TMX4: variants seen among roughly 807,000 people sequenced by gnomAD.
TMX4 encodes thioredoxin-related transmembrane protein 4.
TMX4 carries 23 observed loss-of-function variants against 33.3 expected under a neutral mutation model. The ratio of observed to expected loss-of-function variants is 0.69; its 90% CI spans 0.50 to 0.98. The LOEUF (loss-of-function observed/expected upper bound fraction) is 0.98, where lower values mean the gene tolerates loss of function less well. Among genes scored for constraint, TMX4 ranks in the 50% least tolerant of loss-of-function variants. TMX4 has a pLI of 0.00. For synonymous variants in TMX4, 164 were observed against 161.5 expected (o/e 1.02, Z -0.12); for missense variants, 399 against 448.9 (o/e 0.89, Z 1.01).
At chr20:7,994,853 C>T (rs968823451) in intron 5 of TMX4, among the ~76,000 whole-genome samples, 2 of 152,154 alleles carry the variant, frequency 1.3e-5, no homozygotes, top group Non-Finnish European at 1.5e-5. Context: ...ATTCTTAGCC[C>T]TTGATTAAAG....
rs1317156336 is a variant in TMX4 at position 8,019,577 on chromosome 20, G to T, written c.37C>A (p.Leu13Ile). The T allele has an allele frequency of 7.2e-7, 1 of 1,390,890 alleles. No homozygotes were observed. Among genetic ancestry groups the T allele is most frequent in the Non-Finnish European group, 9.3e-7 (1 of 1,075,264 alleles). The allele number at this position is 1,390,890 out of a possible 1,614,324, so 86.2% of individuals were successfully genotyped here. Reference protein sequence around the residue: ...GGRCGPQLTALLAAWIAAVAA... With the variant: ...GGRCGPQLTAILAAWIAAVAA... ...ACAGCCGCGATCCAGGCGGCCAGGA[G>T]CGCCGTTAGCTGCGGGCCGCAGCGC... Residue 13 changes from leucine (L) to isoleucine (I), a missense_variant, in exon 1 of 8, where the codon CTC becomes ATC. Leu to Ile is a conservative substitution (Grantham distance 5, BLOSUM62 2). Transcript: ENST00000246024.
At chr20:8,018,151 A>G (rs2050784132) in intron 1 of TMX4, among the ~76,000 whole-genome samples, 1 of 148,024 alleles carries the variant, frequency 6.8e-6, no homozygotes, top group African/African-American at 2.5e-5. Flanking sequence ...GAAAGATCCA[A>G]TTTTCTGTCT....
chr20:7,991,075 T>A (rs1600141564), intron 5 of TMX4, among the ~76,000 whole-genome samples: 1 of 152,236 alleles, frequency 6.6e-6, no homozygotes, highest in African/African-American at 2.4e-5. Context: ...AGTCTAAATG[T>A]TCATGGCTTT....
intron 6 of TMX4, among the ~76,000 whole-genome samples, chr20:7,984,953 A>G (rs895767773): frequency 1.3e-5 from 2 of 152,098 alleles, no homozygotes; most frequent in Non-Finnish European, 2.9e-5. Context: ...GTCCCCCAGT[A>G]TTCCTTTACC....
At chr20:7,983,890 G>A (rs1266651798) in intron 6 of TMX4, 33 bp from the exon 7 acceptor site, 1 of 1,553,286 alleles carries the variant, frequency 6.4e-7, no homozygotes, top group East Asian at 2.3e-5. Flanking sequence ...ACAGTGAATA[G>A]ATAGGACATT....
chr20:7,994,114 T>G (rs138951722), intron 5 of TMX4, among the ~76,000 whole-genome samples: 1,542 of 152,270 alleles, frequency 0.01, 9 homozygotes, highest in Non-Finnish European at 0.017. Context: ...TTTTGCATTC[T>G]ACATTTTACA....
intron 5 of TMX4, among the ~76,000 whole-genome samples, chr20:7,989,201 A>C (rs988088705): frequency 1.3e-5 from 2 of 152,312 alleles, no homozygotes; most frequent in African/African-American, 4.8e-5. Flanking sequence ...AGGACTCAGT[A>C]TCATCAATAT....
intron 6 of TMX4, among the ~76,000 whole-genome samples, chr20:7,984,873 C>G (rs1394418441): frequency 6.6e-6 from 1 of 152,034 alleles, no homozygotes; most frequent in African/African-American, 2.4e-5. Flanking sequence ...AAATTTGGAT[C>G]CTAGCTTCCC....
Position 7,980,756 on chromosome 20 carries a change from T to C in TMX4, c.*1495A>G, listed in dbSNP as rs989644142. On this transcript the variant is annotated 3_prime_UTR_variant, in exon 8 of 8. Transcript: ENST00000246024. ...AGAATAACCTCCTTTGTGCAAGTCT[T>C]GCAACATCTTCATTCAACCACAGGA... 2.0e-5 allele frequency: 3 copies of C among 152,228 alleles called. No individual in the cohort carries two copies. Among genetic ancestry groups the C allele is most frequent in the Non-Finnish European group, 4.4e-5 (3 of 68,038 alleles). The allele number at this position is 152,228 out of a possible 1,614,324, so 9.4% of individuals were successfully genotyped here.
At chr20:8,006,636 G>A (rs919065143) in intron 2 of TMX4, among the ~76,000 whole-genome samples, 1 of 152,168 alleles carries the variant, frequency 6.6e-6, no homozygotes, top group Non-Finnish European at 1.5e-5. Context: ...AGGCTTGCCA[G>A]TGAGTTAGTA....
intron 6 of TMX4, among the ~76,000 whole-genome samples, chr20:7,985,194 T>C (rs1055672545): frequency 1.3e-5 from 2 of 151,562 alleles, no homozygotes; most frequent in Admixed American, 6.6e-5. Context: ...GTGTTTACTT[T>C]AATATACTTA....
chr20:8,001,645 G>C, intron 2 of TMX4, 104 bp from the exon 3 acceptor site: 1 of 1,102,824 alleles, frequency 9.1e-7, no homozygotes. Context: ...TGCAATTGTT[G>C]ACTCACATTT....
chr20:8,012,649 G>A (rs1163091277), intron 1 of TMX4, among the ~76,000 whole-genome samples: 1 of 152,038 alleles, frequency 6.6e-6, no homozygotes, highest in Non-Finnish European at 1.5e-5. Flanking sequence ...TCCCTAGGAC[G>A]CTCTTTGCAT....
Position 7,982,131 on chromosome 20 carries a change from G to A in TMX4, c.*120C>T. 2 of 1,038,306 alleles carry A rather than the reference G, an allele frequency of 1.9e-6. No homozygotes were observed. Among genetic ancestry groups the A allele is most frequent in the Non-Finnish European group, 2.7e-6 (2 of 730,262 alleles). 64.3% of individuals were successfully genotyped at this position (1,038,306 alleles called of 1,614,324 possible). A position where few individuals can be genotyped will look rare whatever the true frequency, so the allele number is the denominator to read the frequency against. On this transcript the variant is annotated 3_prime_UTR_variant, in exon 8 of 8. Transcript: ENST00000246024. ...ACTGCCATGAGACCAAATGACTAGAGAGCATCTTTTAAGAGAAGCTTGCTC... is the reference window on the plus strand; with the variant it reads ...ACTGCCATGAGACCAAATGACTAGAAAGCATCTTTTAAGAGAAGCTTGCTC...
chr20:7,984,917 AT>A (rs2050624047), intron 6 of TMX4, among the ~76,000 whole-genome samples: 1 of 152,088 alleles, frequency 6.6e-6, no homozygotes, highest in South Asian at 2.1e-4. Flanking sequence ...AGTCTGGGCC[AT>A]TCAGAGCCAG....
At chr20:7,983,688 G>GAAATTTGGTAGGTA in intron 7 of TMX4, 106 bp downstream of exon 7, 1 of 722,302 alleles carries the variant, frequency 1.4e-6, no homozygotes, top group Non-Finnish European at 2.2e-6. Context: ...GTGATTATTT[G>GAAATTTGGTAGGTA]GTCACCTAGT....
chr20:7,995,765 C>T (rs1600142946), intron 5 of TMX4, among the ~76,000 whole-genome samples: 4 of 151,652 alleles, frequency 2.6e-5, no homozygotes, highest in South Asian at 2.1e-4. Flanking sequence ...TCACATAAGC[C>T]GTTTTGCTTG....
At chr20:8,006,813 C>T (rs1008447268) in intron 2 of TMX4, among the ~76,000 whole-genome samples, 5 of 149,872 alleles carry the variant, frequency 3.3e-5, no homozygotes, top group Non-Finnish European at 7.4e-5. Context: ...GCCTGGAGTG[C>T]AATAGCGCTA....
chr20:8,002,418 G>T (rs992776293), intron 2 of TMX4, among the ~76,000 whole-genome samples: 1 of 152,070 alleles, frequency 6.6e-6, no homozygotes. Flanking sequence ...AAAAGGGTAG[G>T]TATGCAAAAA....
Sources: allele counts gnomAD v4.1 joint callset (sites outside exome capture counted in the v4.1 genomes callset), GRCh38; gene constraint gnomAD v4.1.1; transcripts MANE v1.5; gene names NCBI Gene and HGNC (gene_info 2026-07-23, HGNC 2026-07-21).